Variants in SLC35F3 observed in about 807,000 individuals in gnomAD.
The protein encoded by SLC35F3 is putative thiamine transporter SLC35F3.
Under a neutral mutation model 49.9 loss-of-function variants are expected in SLC35F3, and 25 were observed. The ratio of observed to expected loss-of-function variants is 0.50; its 90% CI spans 0.37 to 0.70. The LOEUF is 0.70. Ranked by LOEUF, SLC35F3 falls within the 30% of genes least tolerant of loss-of-function variation. The probability of loss-of-function intolerance (pLI) is 0.00; values close to 1 mark genes in which losing one functional copy is unlikely to be tolerated. For missense variants in SLC35F3, 525 were observed against 639.8 expected, an observed-to-expected ratio of 0.82 and a Z score of 1.94; for synonymous variants, 275 against 265.4, an observed-to-expected ratio of 1.04 and a Z score of -0.35.
intron 2 of SLC35F3, among the ~76,000 whole-genome samples, chr1:233,965,546 A>C (rs1662889845): frequency 6.6e-6 from 1 of 152,188 alleles, no homozygotes; most frequent in African/African-American, 2.4e-5. Context: ...ATTTTGAGGA[A>C]GCTATGTGGC....
chr1:234,193,391 A>C (rs1666758919), intron 2 of SLC35F3, among the ~76,000 whole-genome samples: 1 of 152,212 alleles, frequency 6.6e-6, no homozygotes, highest in Admixed American at 6.5e-5. Flanking sequence ...GGCAAGCTGC[A>C]TATAGGAGGA....
chr1:234,068,822 A>T (rs1342506120), intron 2 of SLC35F3, among the ~76,000 whole-genome samples: 1 of 20,260 alleles, frequency 4.9e-5, no homozygotes, highest in African/African-American at 2.1e-4. Context: ...GATTTGAGAC[A>T]TTATATATAT....
intron 2 of SLC35F3, among the ~76,000 whole-genome samples, chr1:234,206,835 A>T (rs1474696371): frequency 6.6e-6 from 1 of 152,084 alleles, no homozygotes; most frequent in Non-Finnish European, 1.5e-5. Flanking sequence ...GCCTCCGAGG[A>T]CCTCATTGAA....
intron 2 of SLC35F3, among the ~76,000 whole-genome samples, chr1:234,207,476 G>A (rs994703178): frequency 3.3e-3 from 1 of 304 alleles, no homozygotes; most frequent in South Asian, 0.17. Context: ...CTCAAGGATC[G>A]ATTTAATTAA....
chr1:234,143,329 C>T (rs1339435807), intron 2 of SLC35F3, among the ~76,000 whole-genome samples: 10 of 142,842 alleles, frequency 7.0e-5, no homozygotes, highest in Non-Finnish European at 1.2e-4. Flanking sequence ...ACTCTTGTGG[C>T]CCAGGCTGGA....
intron 2 of SLC35F3, among the ~76,000 whole-genome samples, chr1:234,034,641 C>A (rs1050189214): frequency 2.6e-4 from 31 of 119,930 alleles, no homozygotes; most frequent in African/African-American, 2.0e-3. Flanking sequence ...CTGCCTCAGC[C>A]TCCCAAGTAG....
At chr1:234,310,607 T>C (rs2102994570) in intron 4 of SLC35F3, among the ~76,000 whole-genome samples, 2 of 152,312 alleles carry the variant, frequency 1.3e-5, no homozygotes, top group African/African-American at 4.8e-5. Context: ...GACTCGATGC[T>C]GAAGATCTGA....
At chr1:234,236,962 T>TATATATATATATAA (rs1667484660) in intron 3 of SLC35F3, among the ~76,000 whole-genome samples, 1 of 117,102 alleles carries the variant, frequency 8.5e-6, no homozygotes, top group Non-Finnish European at 1.8e-5. Flanking sequence ...TATATATATA[T>TATATATATATATAA]ATGGAGGAAA....
intron 2 of SLC35F3, among the ~76,000 whole-genome samples, chr1:234,097,388 C>A (rs1665140603): frequency 6.6e-6 from 1 of 152,094 alleles, no homozygotes; most frequent in African/African-American, 2.4e-5. Flanking sequence ...TGAGCACCTA[C>A]CTTGTACAGC....
intron 2 of SLC35F3, among the ~76,000 whole-genome samples, chr1:233,950,187 C>G (rs1203651510): frequency 6.6e-6 from 1 of 151,802 alleles, no homozygotes; most frequent in Non-Finnish European, 1.5e-5. Context: ...GAGATCGAAA[C>G]CATCCTGGCT....
At chr1:234,107,417 T>A (rs1665300862) in intron 2 of SLC35F3, among the ~76,000 whole-genome samples, 1 of 152,212 alleles carries the variant, frequency 6.6e-6, no homozygotes, top group Non-Finnish European at 1.5e-5. Context: ...CAATAGACTT[T>A]AATTTCTTCA....
intron 2 of SLC35F3, among the ~76,000 whole-genome samples, chr1:234,031,028 G>A (rs1664054666): frequency 6.6e-6 from 1 of 152,164 alleles, no homozygotes; most frequent in Non-Finnish European, 1.5e-5. Context: ...ATTCATGTCA[G>A]GGGAGGCAGG....
intron 4 of SLC35F3, among the ~76,000 whole-genome samples, chr1:234,315,378 C>T (rs916788086): frequency 2.8e-4 from 42 of 152,328 alleles, no homozygotes; most frequent in African/African-American, 1.0e-3. Context: ...TTGAATCTAA[C>T]AGTAGGTTGG....
At chr1:233,939,727 C>T (rs956774486) in intron 2 of SLC35F3, among the ~76,000 whole-genome samples, 7 of 152,152 alleles carry the variant, frequency 4.6e-5, no homozygotes, top group African/African-American at 1.7e-4. Context: ...CTTATGGGCT[C>T]ACTTGGGGAA....
At chr1:233,909,236 A>G (rs1661830058) in intron 2 of SLC35F3, among the ~76,000 whole-genome samples, 1 of 151,368 alleles carries the variant, frequency 6.6e-6, no homozygotes, top group Non-Finnish European at 1.5e-5. Context: ...TGAGAATTAA[A>G]CTGTAAACAA....
chr1:233,939,675 G>C (rs1231959579), intron 2 of SLC35F3, among the ~76,000 whole-genome samples: 1 of 152,192 alleles, frequency 6.6e-6, no homozygotes, highest in Non-Finnish European at 1.5e-5. Context: ...AGAGATGTCA[G>C]AGTGCCTTAA....
intron 3 of SLC35F3, among the ~76,000 whole-genome samples, chr1:234,307,810 T>A (rs765717595): frequency 9.9e-5 from 15 of 152,182 alleles, no homozygotes; most frequent in Non-Finnish European, 2.1e-4. Flanking sequence ...AAGCAGTGCC[T>A]CCTCACTTGT....
chr1:234,200,389 T>G (rs892380276), intron 2 of SLC35F3, among the ~76,000 whole-genome samples: 1 of 152,222 alleles, frequency 6.6e-6, no homozygotes, highest in Non-Finnish European at 1.5e-5. Flanking sequence ...ATTAGATATA[T>G]AATTTGCAAA....
In SLC35F3 at chr1:234,293,216, A is replaced by G. The variant is rs570913152; in HGVS notation, c.609-15885A>G. Among the ~76,000 whole-genome samples, 24 of 152,352 alleles carry G rather than the reference A, an allele frequency of 1.6e-4. No individual in the cohort carries two copies. The East Asian group carries it at 4.6e-3, about 29-fold the overall frequency. ...GGGTGTCCATAGACTCCAAGTGCAC[A>G]GAAAGGAGCCATAAACAAGAATCAC... On this transcript the variant is annotated intron_variant, in intron 3 of 7. Transcript: ENST00000366618.
Sources: gnomAD v4.1 joint callset for allele counts (sites outside exome capture counted in the v4.1 genomes callset) on GRCh38, gnomAD v4.1.1 for gene constraint, MANE v1.5 for transcripts, NCBI Gene and HGNC (gene_info 2026-07-23, HGNC 2026-07-21) for gene names.